Variants in VCF1 observed in about 807,000 individuals in gnomAD.
The protein encoded by VCF1 is VCP nuclear cofactor family member 1, also known as protein VCF1.
At chr17:73,212,775 A>C in the VCF1 span, 2 of 1,476,126 alleles carry the variant, frequency 1.4e-6, no homozygotes, top group Non-Finnish European at 1.9e-6. Flanking sequence ...ATCAGTTTCT[A>C]GTAAGTCAAG....
chr17:73,222,207 A>C, the VCF1 span, among the ~76,000 whole-genome samples: 1 of 151,752 alleles, frequency 6.6e-6, no homozygotes, highest in Non-Finnish European at 1.5e-5. Flanking sequence ...CAAAAAAAAA[A>C]AAAAAATTAA....
At chr17:73,232,156 G>A in the VCF1 span, 4 of 1,610,068 alleles carry the variant, frequency 2.5e-6, no homozygotes, top group Admixed American at 3.3e-5. Context: ...CGAAGAGAGG[G>A]AACAGAGGGG....
the VCF1 span, chr17:73,208,081 C>T: frequency 7.0e-7 from 1 of 1,422,428 alleles, no homozygotes; most frequent in Non-Finnish European, 9.2e-7. Context: ...CCTGTGTCTA[C>T]CCTTTTCCCA....
chr17:73,210,361 T>A, the VCF1 span, among the ~76,000 whole-genome samples: 3 of 152,302 alleles, frequency 2.0e-5, no homozygotes, highest in Non-Finnish European at 2.9e-5. Context: ...TTGCAGTTCA[T>A]ATGTACATGT....
chr17:73,224,995 G>C, the VCF1 span, among the ~76,000 whole-genome samples: 93 of 59,218 alleles, frequency 1.6e-3, 1 homozygote, highest in South Asian at 3.3e-3. Flanking sequence ...CACAGCACAG[G>C]ACAGGACAGG....
the VCF1 span, among the ~76,000 whole-genome samples, chr17:73,218,236 G>A: frequency 6.6e-6 from 1 of 152,158 alleles, no homozygotes; most frequent in Admixed American, 6.6e-5. Context: ...CTTCCAAAGT[G>A]TCCAATAATT....
chr17:73,220,817 G>GT, the VCF1 span, among the ~76,000 whole-genome samples: 4 of 146,078 alleles, frequency 2.7e-5, no homozygotes, highest in East Asian at 8.0e-4. Context: ...AAATGGTCTT[G>GT]TTAAGCTAAG....
the VCF1 span, chr17:73,208,116 A>G: frequency 1.4e-6 from 2 of 1,457,096 alleles, no homozygotes; most frequent in Non-Finnish European, 1.8e-6. Flanking sequence ...TCCAAATTCT[A>G]GTTTTGTCAC....
At chr17:73,215,570 G>A in the VCF1 span, among the ~76,000 whole-genome samples, 1 of 152,176 alleles carries the variant, frequency 6.6e-6, no homozygotes, top group Non-Finnish European at 1.5e-5. Context: ...CACTGCACCT[G>A]GCCACTAGGG....
chr17:73,220,420 A>G, the VCF1 span, among the ~76,000 whole-genome samples: 1 of 152,130 alleles, frequency 6.6e-6, no homozygotes, highest in African/African-American at 2.4e-5. Flanking sequence ...AAGGGGCTGA[A>G]GCTGTCCTAG....
At chr17:73,224,280 A>AAG in the VCF1 span, among the ~76,000 whole-genome samples, 6 of 151,184 alleles carry the variant, frequency 4.0e-5, no homozygotes, top group African/African-American at 1.5e-4. Flanking sequence ...AAAAAAAAAA[A>AAG]AAAAACCTTA....
chr17:73,209,506 GA>G, the VCF1 span: 4 of 1,567,288 alleles, frequency 2.6e-6, no homozygotes, highest in Non-Finnish European at 3.5e-6. Flanking sequence ...TCCCTTCACA[GA>G]AGGCAAGAAA....
chr17:73,219,186 C>T, the VCF1 span, among the ~76,000 whole-genome samples: 4 of 102,672 alleles, frequency 3.9e-5, no homozygotes, highest in East Asian at 6.2e-4. Flanking sequence ...AGAAAAACTC[C>T]GTCTCAAAAA....
chr17:73,217,732 T>C, the VCF1 span, among the ~76,000 whole-genome samples: 6 of 132,604 alleles, frequency 4.5e-5, no homozygotes, highest in Admixed American at 7.7e-5. Flanking sequence ...GGCAGGTGGA[T>C]TGCCTGAGGC....
At chr17:73,227,051 T>G in the VCF1 span, 11 of 792,952 alleles carry the variant, frequency 1.4e-5, no homozygotes, top group Non-Finnish European at 2.1e-5. Context: ...TAAACCAGTA[T>G]AATCAACTAA....
the VCF1 span, among the ~76,000 whole-genome samples, chr17:73,218,610 C>G: frequency 6.6e-6 from 1 of 152,198 alleles, no homozygotes; most frequent in Non-Finnish European, 1.5e-5. Context: ...TGCTGCCGGG[C>G]GCGGTGGCTC....
chr17:73,219,984 G>GAA, the VCF1 span, among the ~76,000 whole-genome samples: 2 of 93,178 alleles, frequency 2.1e-5, no homozygotes. Context: ...TCCAAAAAAA[G>GAA]AAAAAAAAAA....
the VCF1 span, chr17:73,209,917 TA>T: frequency 7.7e-7 from 1 of 1,293,228 alleles, no homozygotes; most frequent in Non-Finnish European, 1.0e-6. Context: ...ATTGATAAAG[TA>T]CGCTCTCCTA....
At chr17:73,232,056 C>T in the VCF1 span, 1 of 1,562,426 alleles carries the variant, frequency 6.4e-7, no homozygotes, top group South Asian at 1.2e-5. Flanking sequence ...CCTCAGGCGA[C>T]GAATGGAAAG....
Sources: gnomAD v4.1 joint callset for allele counts (sites outside exome capture counted in the v4.1 genomes callset) on GRCh38, gnomAD v4.1.1 for gene constraint, MANE v1.5 for transcripts, NCBI Gene and HGNC (gene_info 2026-07-23, HGNC 2026-07-21) for gene names.